NXPE2: variants seen among roughly 807,000 people sequenced by gnomAD.
The protein encoded by NXPE2 is neurexophilin and PC-esterase domain family member 2.
A neutral mutation model predicts 34.4 loss-of-function variants in NXPE2; 34 were observed. The observed-to-expected ratio is 0.99, with a 90% CI of 0.75 to 1.31. NXPE2 has a LOEUF of 1.31. Among genes scored for constraint, NXPE2 ranks in the 40% most tolerant of loss-of-function variants. The pLI, the probability that NXPE2 is intolerant of heterozygous loss-of-function variation, is 0.00. For missense variants in NXPE2, 649 were observed against 672.5 expected (o/e 0.97, Z 0.39); for synonymous variants, 235 against 231.3 (o/e 1.02, Z -0.15).
chr11:114,698,712 C>A lies in NXPE2; in HGVS notation c.800C>A (p.Thr267Asn), dbSNP rs758369466. 2.5e-6 allele frequency: 4 copies of A among 1,612,994 alleles called. No individual in the cohort carries two copies. In the South Asian group the frequency reaches 3.3e-5, roughly 13 times the overall value. Residue 267 changes from threonine (T) to asparagine (N), a missense_variant, in exon 3 of 6, where the codon ACC becomes AAC. By Grantham distance (65) the Thr-to-Asn change is moderately conservative (BLOSUM62 0). Coordinates refer to ENST00000389586, the MANE Select transcript of NXPE2 (RefSeq NM_182495.6). Reference protein sequence around the residue: ...RPQHMPCEALTHMTTRTRNIS... With the variant: ...RPQHMPCEALNHMTTRTRNIS... ...CAACATATGCCCTGTGAGGCCTTGACCCACATGACCACTAGGACAAGAAAT... is the reference window on the plus strand; with the variant it reads ...CAACATATGCCCTGTGAGGCCTTGAACCACATGACCACTAGGACAAGAAAT...
chr11:114,556,640 T>C, the NXPE2 span, among the ~76,000 whole-genome samples: 1 of 152,148 alleles, frequency 6.6e-6, no homozygotes, highest in East Asian at 1.9e-4. Flanking sequence ...TCAAATTCCC[T>C]CTAGTTTCTG....
chr11:114,806,048 G>C, the NXPE2 span, among the ~76,000 whole-genome samples: 1 of 152,162 alleles, frequency 6.6e-6, no homozygotes, highest in Non-Finnish European at 1.5e-5. Context: ...AATATCCGCT[G>C]TTCTGCAGCC....
At chr11:114,714,252 T>C in the NXPE2 span, among the ~76,000 whole-genome samples, 1 of 131,930 alleles carries the variant, frequency 7.6e-6, no homozygotes, top group African/African-American at 2.9e-5. Context: ...GTAATTCTAG[T>C]CTTTTTTCTT....
chr11:114,602,951 T>C, the NXPE2 span, among the ~76,000 whole-genome samples: 3 of 149,936 alleles, frequency 2.0e-5, no homozygotes, highest in Admixed American at 2.0e-4. Context: ...ATCATAATTA[T>C]CTCATATACA....
At chr11:114,475,226 G>GTTTTTTTTTTT in the NXPE2 span, among the ~76,000 whole-genome samples, 91 of 88,050 alleles carry the variant, frequency 1.0e-3, 12 homozygotes, top group Non-Finnish European at 1.4e-3. Flanking sequence ...AATGTGAACT[G>GTTTTTTTTTTT]TTTTTTTTTT....
At chr11:114,632,397 A>C in the NXPE2 span, among the ~76,000 whole-genome samples, 4 of 133,166 alleles carry the variant, frequency 3.0e-5, no homozygotes, top group Middle Eastern at 3.8e-3. Context: ...ATAAATATAA[A>C]TATACATATA....
At chr11:114,635,971 T>G in the NXPE2 span, among the ~76,000 whole-genome samples, 2 of 152,116 alleles carry the variant, frequency 1.3e-5, no homozygotes, top group African/African-American at 4.8e-5. Flanking sequence ...AGGATGATGC[T>G]GGCCTCATAA....
At chr11:114,580,242 C>G in the NXPE2 span, 3 of 1,613,962 alleles carry the variant, frequency 1.9e-6, no homozygotes, top group Non-Finnish European at 2.5e-6. Flanking sequence ...AGCCAAACTA[C>G]AGGAGACAGG....
At chr11:114,476,377 C>T in the NXPE2 span, among the ~76,000 whole-genome samples, 1 of 152,254 alleles carries the variant, frequency 6.6e-6, no homozygotes, top group African/African-American at 2.4e-5. Context: ...TTCTTTCTAC[C>T]TTTGTTCCTC....
At chr11:114,807,839 A>G in the NXPE2 span, among the ~76,000 whole-genome samples, 13 of 151,996 alleles carry the variant, frequency 8.6e-5, no homozygotes, top group African/African-American at 2.9e-4. Flanking sequence ...TGCACCAAGC[A>G]GACCTAATAG....
In NXPE2 at chr11:114,706,426, G is replaced by A. The variant is rs934606630; in HGVS notation, c.1176G>A (p.Gly392=). 8 of 1,548,554 alleles carry A rather than the reference G, an allele frequency of 5.2e-6. No homozygotes were observed. In the Admixed American group the frequency reaches 5.9e-5, roughly 12 times the overall value. The change falls in exon 6 of 6, where the codon GGG becomes GGA. Residue 392 remains glycine, a synonymous_variant. Transcript: ENST00000389586. Reference sequence around the variant, plus strand: ...AATATTTTGATCATCATGGAGCTGGGATCTTTAAAACACATGTTCTTCTGG... The same window carrying A: ...AATATTTTGATCATCATGGAGCTGGAATCTTTAAAACACATGTTCTTCTGG... ...TLKYFDHHGA[G]IFKTHVLLDV...
At chr11:114,622,888 G>T in the NXPE2 span, among the ~76,000 whole-genome samples, 1 of 151,794 alleles carries the variant, frequency 6.6e-6, no homozygotes. Flanking sequence ...AATAAGTATT[G>T]CCTCATAGGT....
At chr11:114,577,002 T>C in the NXPE2 span, among the ~76,000 whole-genome samples, 1 of 37,578 alleles carries the variant, frequency 2.7e-5, no homozygotes, top group African/African-American at 1.4e-4. Flanking sequence ...CATATATATA[T>C]ATAAAGTTAT....
chr11:114,695,139 A>G (rs543802305), intron 2 of NXPE2, among the ~76,000 whole-genome samples: 8 of 152,220 alleles, frequency 5.3e-5, no homozygotes, highest in Admixed American at 6.5e-5. Flanking sequence ...AGAGGCTACA[A>G]TTTCCTCCAG....
At chr11:114,500,264 TTAA>T in the NXPE2 span, among the ~76,000 whole-genome samples, 16 of 152,128 alleles carry the variant, frequency 1.1e-4, no homozygotes, top group Non-Finnish European at 4.4e-5. Context: ...CACATCAGTA[TTAA>T]TAATTGATAT....
At chr11:114,635,480 G>C in the NXPE2 span, among the ~76,000 whole-genome samples, 1 of 151,768 alleles carries the variant, frequency 6.6e-6, no homozygotes, top group Non-Finnish European at 1.5e-5. Context: ...TAATTGCCCT[G>C]GCCAGAACTT....
At chr11:114,528,483 A>G in the NXPE2 span, among the ~76,000 whole-genome samples, 1 of 152,128 alleles carries the variant, frequency 6.6e-6, no homozygotes, top group East Asian at 1.9e-4. Flanking sequence ...ATTACCTTTG[A>G]CTTTTCTGAC....
At chr11:114,650,751 G>A in the NXPE2 span, among the ~76,000 whole-genome samples, 18 of 152,122 alleles carry the variant, frequency 1.2e-4, no homozygotes, top group African/African-American at 3.1e-4. Context: ...GGCAGAGTGC[G>A]GTTGCCACAA....
At chr11:114,522,600 T>A in the NXPE2 span, 1 of 1,019,410 alleles carries the variant, frequency 9.8e-7, no homozygotes, top group Non-Finnish European at 1.4e-6. Context: ...CCTACCTAGA[T>A]AATTGCTCAC....
Sources: allele counts gnomAD v4.1 joint callset (sites outside exome capture counted in the v4.1 genomes callset), GRCh38; gene constraint gnomAD v4.1.1; transcripts MANE v1.5; gene names NCBI Gene and HGNC (gene_info 2026-07-23, HGNC 2026-07-21).